Variants in EPB41L4B observed in about 807,000 individuals in gnomAD.
EPB41L4B encodes erythrocyte membrane protein band 4.1 like 4B.
A neutral mutation model predicts 112.5 loss-of-function variants in EPB41L4B; 30 were observed. That is an observed-to-expected ratio of 0.27 (90% CI 0.20 to 0.36). The LOEUF is 0.36. Ranked by LOEUF, EPB41L4B falls within the 10% of genes least tolerant of loss-of-function variation. EPB41L4B has a pLI of 1.00. For missense variants in EPB41L4B, 1,024 were observed against 1,133.3 expected (o/e 0.90, Z 1.38); for synonymous variants, 408 against 439.7 (o/e 0.93, Z 0.90).
chr9:109,217,293 GTAATAT>G, intron 15 of EPB41L4B, 148 bp from the exon 16 acceptor site: 1 of 670,610 alleles, frequency 1.5e-6, no homozygotes, highest in African/African-American at 1.8e-5. Flanking sequence ...ATATACAATG[GTAATAT>G]TATACTTAAG....
intron 20 of EPB41L4B, 67 bp from the exon 21 acceptor site, chr9:109,194,464 G>A (rs889045328): frequency 1.1e-5 from 17 of 1,530,660 alleles, no homozygotes; most frequent in African/African-American, 1.4e-5. Context: ...AGGAGTGGAC[G>A]GAGGATGGGC....
At chr9:109,314,638 C>CG in intron 1 of EPB41L4B, among the ~76,000 whole-genome samples, 1 of 131,076 alleles carries the variant, frequency 7.6e-6, no homozygotes, top group South Asian at 2.9e-4. Flanking sequence ...TCTCTCACCC[C>CG]CCCCCACCTC....
intron 22 of EPB41L4B, among the ~76,000 whole-genome samples, chr9:109,187,748 T>C (rs887934403): frequency 1.3e-5 from 2 of 152,212 alleles, no homozygotes. Context: ...CCAAGAAACA[T>C]GGCCACACTG....
intron 7 of EPB41L4B, among the ~76,000 whole-genome samples, chr9:109,257,971 G>A (rs1427974777): frequency 6.6e-6 from 1 of 152,168 alleles, no homozygotes; most frequent in Non-Finnish European, 1.5e-5. Flanking sequence ...ACTCTGGCCT[G>A]GGCAACAGAG....
At chr9:109,177,422 G>A (rs1428254209) in intron 24 of EPB41L4B, among the ~76,000 whole-genome samples, 1 of 152,148 alleles carries the variant, frequency 6.6e-6, no homozygotes, top group Non-Finnish European at 1.5e-5. Flanking sequence ...AGAACTACTG[G>A]TCTAGAGTAT....
rs1170721343 is a variant in EPB41L4B at position 109,256,466 on chromosome 9, G to C, written c.767C>G (p.Ala256Gly). The C allele has an allele frequency of 6.2e-7, 1 of 1,614,146 alleles. No individual in the cohort carries two copies. The highest frequency in any genetic ancestry group is 1.7e-5 in the Admixed American group (1 of 60,022). The change falls in exon 8 of 26, where the codon GCC (alanine) becomes GGC (glycine). Residue 256 changes from alanine (A) to glycine (G), a missense_variant. Ala to Gly is a moderately conservative substitution (Grantham distance 60). Coordinates refer to ENST00000374566, the MANE Select transcript of EPB41L4B (RefSeq NM_019114.5). ...RWKECRGKSPAQAELSYLNKA... is the reference protein window; with the variant it reads ...RWKECRGKSPGQAELSYLNKA... ...ATTCAGATAGGAGAGTTCCGCCTGG[G>C]CAGGGCTCTTTCCCCTTAGAAAAAC...
chr9:109,310,340 C>T (rs1837371631), intron 1 of EPB41L4B, among the ~76,000 whole-genome samples: 1 of 149,810 alleles, frequency 6.7e-6, no homozygotes, highest in African/African-American at 2.5e-5. Flanking sequence ...AGACAAACTT[C>T]AGGAGGGAGG....
intron 15 of EPB41L4B, among the ~76,000 whole-genome samples, chr9:109,221,220 G>A (rs1032344425): frequency 7.9e-5 from 12 of 152,206 alleles, no homozygotes; most frequent in African/African-American, 2.9e-4. Flanking sequence ...TTTGATGGAA[G>A]GAAGAAGGGA....
chr9:109,280,240 G>A (rs1835984882), intron 1 of EPB41L4B, among the ~76,000 whole-genome samples: 1 of 152,168 alleles, frequency 6.6e-6, no homozygotes, highest in Non-Finnish European at 1.5e-5. Flanking sequence ...CTTGAAGAAG[G>A]GTGTAACAGG....
chr9:109,261,460 C>G (rs1835200249), intron 6 of EPB41L4B, among the ~76,000 whole-genome samples: 1 of 151,982 alleles, frequency 6.6e-6, no homozygotes, highest in South Asian at 2.1e-4. Context: ...CTTTGGGAGG[C>G]TGAGGTGGGA....
chr9:109,191,218 G>A (rs1176529485), intron 22 of EPB41L4B, among the ~76,000 whole-genome samples: 1 of 152,158 alleles, frequency 6.6e-6, no homozygotes, highest in African/African-American at 2.4e-5. Flanking sequence ...CAAAATGGAG[G>A]AAGCTCTTGC....
intron 1 of EPB41L4B, among the ~76,000 whole-genome samples, chr9:109,316,064 C>T (rs1411303736): frequency 2.6e-5 from 4 of 152,158 alleles, no homozygotes; most frequent in South Asian, 4.1e-4. Flanking sequence ...GAGGCCTTCC[C>T]GTCACCAAAT....
intron 1 of EPB41L4B, among the ~76,000 whole-genome samples, chr9:109,306,233 C>T (rs1490864319): frequency 6.6e-6 from 1 of 152,184 alleles, no homozygotes; most frequent in Non-Finnish European, 1.5e-5. Context: ...TCTAAACCTA[C>T]AACACCACAC....
chr9:109,202,740 A>C (rs1832876673), intron 19 of EPB41L4B, among the ~76,000 whole-genome samples: 1 of 152,190 alleles, frequency 6.6e-6, no homozygotes. Context: ...GTGGATGATG[A>C]GAAATTACTT....
chr9:109,267,502 T>C lies in EPB41L4B; in HGVS notation c.504A>G (p.Glu168=). 1 of 1,613,644 alleles carries C rather than the reference T, an allele frequency of 6.2e-7. No homozygotes were observed. Among genetic ancestry groups the C allele is most frequent in the South Asian group, 1.1e-5 (1 of 91,020 alleles). ...TAAACTCCTCACGAAGGTTGTTTGG[T>C]TCTGAAGAATAGTATTTAACTCGAA... ...LHFRVKYYSS[E]PNNLREEFTR... is the part of the protein sequence containing the mutation. The change falls in exon 4 of 26, where the codon GAA becomes GAG. Residue 168 remains glutamate, a synonymous_variant. Coordinates refer to ENST00000374566, the MANE Select transcript of EPB41L4B (RefSeq NM_019114.5).
chr9:109,237,135 G>A (rs1323425700), intron 15 of EPB41L4B, among the ~76,000 whole-genome samples: 2 of 152,182 alleles, frequency 1.3e-5, no homozygotes, highest in Non-Finnish European at 2.9e-5. Context: ...TGACCTGGAA[G>A]GATGGTGCAA....
At chr9:109,314,838 G>A (rs1837573834) in intron 1 of EPB41L4B, among the ~76,000 whole-genome samples, 1 of 152,176 alleles carries the variant, frequency 6.6e-6, no homozygotes, top group South Asian at 2.1e-4. Context: ...GGATAAGCCA[G>A]TGTGCCCATG....
chr9:109,253,238 C>T (rs1366745632), intron 12 of EPB41L4B, among the ~76,000 whole-genome samples: 1 of 152,180 alleles, frequency 6.6e-6, no homozygotes, highest in African/African-American at 2.4e-5. Context: ...TAAATGAACA[C>T]ATCCACGGCA....
chr9:109,237,681 G>A (rs1016664146), intron 15 of EPB41L4B, among the ~76,000 whole-genome samples: 2 of 152,144 alleles, frequency 1.3e-5, no homozygotes, highest in African/African-American at 2.4e-5. Flanking sequence ...TGGAGGGGGT[G>A]TGTTTGGGGA....
Sources: allele counts gnomAD v4.1 joint callset (sites outside exome capture counted in the v4.1 genomes callset), GRCh38; gene constraint gnomAD v4.1.1; transcripts MANE v1.5; gene names NCBI Gene and HGNC (gene_info 2026-07-23, HGNC 2026-07-21).